PTPRN2: variants seen among roughly 807,000 people sequenced by gnomAD.
PTPRN2 encodes the protein receptor-type tyrosine-protein phosphatase N2.
PTPRN2 carries 74 observed loss-of-function variants against 118.8 expected under a neutral mutation model. The ratio of observed to expected loss-of-function variants is 0.62; its 90% CI spans 0.52 to 0.76. The LOEUF (loss-of-function observed/expected upper bound fraction) is 0.76. PTPRN2 is among the 30% of genes least tolerant of loss of function. PTPRN2 has a pLI of 0.00. For missense variants in PTPRN2, 1,481 were observed against 1,394.4 expected, an observed-to-expected ratio of 1.06 and a Z score of -0.99; for synonymous variants, 641 against 608.0, an observed-to-expected ratio of 1.05 and a Z score of -0.80.
chr7:158,216,103 T>C (rs1413667944), intron 3 of PTPRN2, among the ~76,000 whole-genome samples: 1 of 152,134 alleles, frequency 6.6e-6, no homozygotes, highest in Non-Finnish European at 1.5e-5. Context: ...TAAAATGTCA[T>C]AAAGGAAGGT....
At chr7:158,352,566 C>G (rs991377649) in intron 2 of PTPRN2, among the ~76,000 whole-genome samples, 1 of 152,178 alleles carries the variant, frequency 6.6e-6, no homozygotes, top group East Asian at 1.9e-4. Context: ...TTCTTATTGC[C>G]CCCTGAAGGT....
In PTPRN2 at chr7:157,609,523, C is replaced by T. The variant is rs1352863195; in HGVS notation, c.2345-5448G>A. ...CCACGGACAGAACAGGGACTACTTTCCCGTTTTAGGCTGAAGAAACTAAGA... is the reference window on the plus strand; with the variant it reads ...CCACGGACAGAACAGGGACTACTTTTCCGTTTTAGGCTGAAGAAACTAAGA... On this transcript the variant is annotated intron_variant, in intron 15 of 22. Transcript: ENST00000389418. This position sits in a 1 kb window ranked among gnomAD's most constrained non-coding sequence, Gnocchi z 4.9. Among the ~76,000 whole-genome samples, 1 of 152,218 alleles carries T rather than the reference C, an allele frequency of 6.6e-6. No individual in the cohort carries two copies. The highest frequency in any genetic ancestry group is 1.5e-5 in the Non-Finnish European group (1 of 68,046).
intron 3 of PTPRN2, among the ~76,000 whole-genome samples, chr7:158,295,781 G>A (rs1474267910): frequency 1.3e-5 from 2 of 151,026 alleles, no homozygotes; most frequent in Non-Finnish European, 1.5e-5. Flanking sequence ...CCATCCGCAC[G>A]GTTCACCCGC....
intron 10 of PTPRN2, among the ~76,000 whole-genome samples, chr7:158,091,709 T>C (rs1297019438): frequency 7.0e-6 from 1 of 142,340 alleles, no homozygotes; most frequent in Non-Finnish European, 1.5e-5. Context: ...AGGTGATAGA[T>C]AGATGAGCAG....
intron 6 of PTPRN2, among the ~76,000 whole-genome samples, chr7:158,146,846 T>A (rs1018826120): frequency 3.3e-5 from 5 of 151,982 alleles, no homozygotes; most frequent in Non-Finnish European, 5.9e-5. Context: ...CAGAGAGACT[T>A]GACCAATGGA....
chr7:157,751,099 G>T (rs994807239), intron 12 of PTPRN2, among the ~76,000 whole-genome samples: 2 of 152,240 alleles, frequency 1.3e-5, no homozygotes, highest in Non-Finnish European at 2.9e-5. Context: ...GAGCTGTGGG[G>T]CCGAGGAGGC....
At chr7:157,788,619 G>A (rs1477003575) in intron 12 of PTPRN2, among the ~76,000 whole-genome samples, 1 of 152,184 alleles carries the variant, frequency 6.6e-6, no homozygotes, top group Non-Finnish European at 1.5e-5. Context: ...ACCATGAGAA[G>A]CCACATGGAG....
At position 158,151,946 on chromosome 7, in the gene PTPRN2, G is replaced by T. The variant is rs530937731; in HGVS notation, c.911-13431C>A. ...CCCAGCACTTTGGGAGGCCGAGGCG[G>T]GTGGATCACAAGGTCAGGAGATCAA... On this transcript the variant is annotated intron_variant, in intron 6 of 22. Transcript: ENST00000389418. Among the ~76,000 whole-genome samples the T allele has an allele frequency of 3.1e-4, 47 of 152,206 alleles. No homozygotes were observed. The South Asian group carries it at 8.7e-3, about 28-fold the overall frequency.
chr7:158,344,053 C>T (rs1807296143), intron 2 of PTPRN2, among the ~76,000 whole-genome samples: 1 of 152,280 alleles, frequency 6.6e-6, no homozygotes, highest in East Asian at 1.9e-4. Flanking sequence ...TACATGCCAC[C>T]CAGACCCCCA....
chr7:157,807,520 G>A lies in PTPRN2; in HGVS notation c.1788+91153C>T, dbSNP rs901766778. ...ACCTGGGGCCATGGGGAGGGAAGAG[G>A]TGTTCCTTGGGACAAGCAGGAGCCC... On this transcript the variant is annotated intron_variant, in intron 12 of 22. Coordinates refer to ENST00000389418, the MANE Select transcript of PTPRN2 (RefSeq NM_002847.5). Among the ~76,000 whole-genome samples, 4 of 152,212 alleles carry A rather than the reference G, an allele frequency of 2.6e-5. No individual in the cohort carries two copies. In the East Asian group the frequency reaches 7.7e-4, roughly 29 times the overall value.
At chr7:158,336,843 C>G (rs1195539518) in intron 2 of PTPRN2, among the ~76,000 whole-genome samples, 1 of 103,070 alleles carries the variant, frequency 9.7e-6, no homozygotes, top group Non-Finnish European at 2.2e-5. Context: ...ACGTCACTCA[C>G]CCACACTCTC....
rs1332318424 is a variant in PTPRN2, at chr7:158,138,386, A to C, written c.1040T>G (p.Val347Gly). The C allele has an allele frequency of 2.5e-6, 4 of 1,613,666 alleles. No individual in the cohort carries two copies. In the Admixed American group the frequency reaches 6.7e-5, roughly 27 times the overall value. ...AGLMQGVDHG[V>G]ARGSPGRAAL... ...CGCTCTCCCAGGGCTGCCTCGAGCT[A>C]CTCCATGGTCCACGCCTTGCATCAG... Residue 347 changes from valine (V) to glycine (G), a missense_variant, in exon 7 of 23, where the codon GTA becomes GGA. By Grantham distance (109) the Val-to-Gly change is moderately radical. Around this residue, in one of 3 missense-constraint regions of PTPRN2, gnomAD observed 1,115 missense variants for 994.2 expected, o/e 1.12. Coordinates refer to ENST00000389418, the MANE Select transcript of PTPRN2 (RefSeq NM_002847.5).
intron 2 of PTPRN2, among the ~76,000 whole-genome samples, chr7:158,341,567 ACACTCTCACCATAAGAGGTGACACCC>A (rs1806803539): frequency 8.4e-6 from 1 of 118,970 alleles, no homozygotes; most frequent in Non-Finnish European, 1.8e-5. Context: ...ACTCACACCC[ACACTCTCACCATAAGAGGTGACACCC>A]GCAGACATCA....
chr7:158,184,524 T>C (rs1824976384), intron 5 of PTPRN2, among the ~76,000 whole-genome samples: 2 of 152,258 alleles, frequency 1.3e-5, no homozygotes, highest in Non-Finnish European at 2.9e-5. Flanking sequence ...TTATGTAATC[T>C]GAATGCCTCT....
intron 1 of PTPRN2, among the ~76,000 whole-genome samples, chr7:158,499,807 G>GTGTGTGTATGTGTGTA (rs763360985): frequency 6.7e-6 from 1 of 148,890 alleles, no homozygotes; most frequent in South Asian, 2.1e-4. Flanking sequence ...GTGTGTGTGT[G>GTGTGTGTATGTGTGTA]TATATATATA....
rs906711772 is a variant in PTPRN2 at position 157,583,972 on chromosome 7, T to C, written c.2497-5832A>G. Among the ~76,000 whole-genome samples, 2 of 149,454 alleles carry C rather than the reference T, an allele frequency of 1.3e-5. No homozygotes were observed. The highest frequency in any genetic ancestry group is 1.3e-4 in the Admixed American group (2 of 15,038). The stretch of plus-strand genomic sequence containing the variant: ...GCTCTCCTGAAGCCCCACAGAGACC[T>C]GATTTAAGGGAAGATGATCAATCTG... On this transcript the variant is annotated intron_variant, in intron 17 of 22. Coordinates refer to ENST00000389418, the MANE Select transcript of PTPRN2 (RefSeq NM_002847.5). The surrounding 1 kb of genome is among the most constrained non-coding windows in gnomAD (Gnocchi z 5.5).
intron 11 of PTPRN2, among the ~76,000 whole-genome samples, chr7:158,048,129 G>GCA (rs1554520768): frequency 1.4e-5 from 2 of 138,228 alleles, no homozygotes; most frequent in Non-Finnish European, 3.1e-5. Flanking sequence ...ATACACATAT[G>GCA]TATACACACA....
chr7:157,979,993 A>G (rs1803016766), intron 11 of PTPRN2, among the ~76,000 whole-genome samples: 1 of 152,184 alleles, frequency 6.6e-6, no homozygotes, highest in South Asian at 2.1e-4. Flanking sequence ...AATAGAGTCT[A>G]TTTCCTCAGC....
At chr7:158,085,741 C>A (rs1156962162) in intron 10 of PTPRN2, among the ~76,000 whole-genome samples, 3 of 148,312 alleles carry the variant, frequency 2.0e-5, no homozygotes, top group African/African-American at 7.6e-5. Context: ...ACCCACGACA[C>A]CCATCCACAC....
Sources: gnomAD v4.1 joint callset for allele counts (sites outside exome capture counted in the v4.1 genomes callset) on GRCh38, gnomAD v4.1.1 for gene constraint, gnomAD v4.1.1 regional missense constraint, Gnocchi (gnomAD v3.1) non-coding constraint, MANE v1.5 for transcripts, NCBI Gene and HGNC (gene_info 2026-07-23, HGNC 2026-07-21) for gene names.